ANO3: variants seen among roughly 807,000 people sequenced by gnomAD.
The protein encoded by ANO3 is anoctamin-3.
In ANO3, 99 loss-of-function variants were observed where a neutral mutation model predicts 144.8. That is an observed-to-expected ratio of 0.68 (90% CI 0.58 to 0.81). The LOEUF is 0.81. Among genes scored for constraint, ANO3 ranks in the 30% least tolerant of loss-of-function variants. The pLI is 0.00. For missense variants in ANO3, 905 were observed against 1,202.2 expected (o/e 0.75, Z 3.66); for synonymous variants, 414 against 392.6 (o/e 1.05, Z -0.64).
intron 1 of ANO3, among the ~76,000 whole-genome samples, chr11:26,197,037 C>T (rs760727257): frequency 6.6e-6 from 1 of 152,186 alleles, no homozygotes; most frequent in Non-Finnish European, 1.5e-5. Context: ...CACACACATG[C>T]ATAACAGTGT....
At chr11:26,502,006 C>T (rs11029588) in intron 4 of ANO3, among the ~76,000 whole-genome samples, 91,037 of 151,950 alleles carry the variant, frequency 0.6, 27,948 homozygotes, top group East Asian at 0.68. Flanking sequence ...TTTTACTGCA[C>T]TTTGTGTTTT....
At chr11:26,464,795 A>C (rs2134060551) in intron 4 of ANO3, among the ~76,000 whole-genome samples, 1 of 151,854 alleles carries the variant, frequency 6.6e-6, no homozygotes, top group Middle Eastern at 3.4e-3. Flanking sequence ...TTCCACTCAA[A>C]CTGTAGAACA....
intron 1 of ANO3, among the ~76,000 whole-genome samples, chr11:26,322,538 T>G (rs1406767054): frequency 6.6e-6 from 1 of 152,144 alleles, no homozygotes; most frequent in Non-Finnish European, 1.5e-5. Flanking sequence ...TTGATGACAT[T>G]GACAGTTTTA....
chr11:26,362,285 G>T (rs1590292807), intron 1 of ANO3, among the ~76,000 whole-genome samples: 1 of 152,084 alleles, frequency 6.6e-6, no homozygotes, highest in South Asian at 2.1e-4. Flanking sequence ...TATTTTGCTT[G>T]GAGTTTTTGT....
At chr11:26,534,658 A>G (rs764428007) in intron 9 of ANO3, 96 bp downstream of exon 9, 10 of 763,886 alleles carry the variant, frequency 1.3e-5, no homozygotes, top group Non-Finnish European at 2.0e-5. Flanking sequence ...GCTTTAATTC[A>G]TTAAATAGAT....
intron 1 of ANO3, among the ~76,000 whole-genome samples, chr11:26,366,830 T>G (rs1212322657): frequency 1.2e-5 from 1 of 83,328 alleles, no homozygotes; most frequent in Admixed American, 9.6e-5. Context: ...GGGTTGTTTG[T>G]TTTTTTCTTG....
intron 1 of ANO3, among the ~76,000 whole-genome samples, chr11:26,198,122 A>G (rs1244042626): frequency 1.3e-5 from 2 of 152,178 alleles, no homozygotes; most frequent in African/African-American, 4.8e-5. Context: ...TAAGAGGCAC[A>G]TGTTAGGGAG....
At chr11:26,238,902 G>T (rs1852592746) in intron 1 of ANO3, among the ~76,000 whole-genome samples, 1 of 151,628 alleles carries the variant, frequency 6.6e-6, no homozygotes, top group Non-Finnish European at 1.5e-5. Flanking sequence ...TCAAAATTTG[G>T]AAAATGTAAA....
intron 1 of ANO3, among the ~76,000 whole-genome samples, chr11:26,279,692 A>C (rs1853637329): frequency 6.6e-6 from 1 of 152,172 alleles, no homozygotes; most frequent in Non-Finnish European, 1.5e-5. Flanking sequence ...GGGGTCTCCC[A>C]GGGAACCAGA....
In ANO3 at chr11:26,350,763, T is replaced by C. The variant is rs75094333; in HGVS notation, c.46+18442T>C. On this transcript the variant is annotated intron_variant, in intron 1 of 26. Transcript: ENST00000256737. ...ATATGTGAATGAAAAATTTTAACTC[T>C]ACTAAAGTTAGGAATAATTTTTTTC... is the stretch of plus-strand genomic sequence containing the variant. Among the ~76,000 whole-genome samples the C allele has an allele frequency of 5.0e-3, 759 of 152,286 alleles. 35 individuals are homozygous for C. In the East Asian group the frequency reaches 0.099, roughly 20 times the overall value.
In ANO3 at chr11:26,423,455, A is replaced by G. The variant is rs936219726; in HGVS notation, c.47-18463A>G. Among the ~76,000 whole-genome samples the G allele has an allele frequency of 9.2e-5, 14 of 151,790 alleles. 1 individual carries two copies. ...ATTGAATAAGTGATTGAATATCTGAATGAATAAACATTAGTCTTGAAAAAA... is the reference window on the plus strand; with the variant it reads ...ATTGAATAAGTGATTGAATATCTGAGTGAATAAACATTAGTCTTGAAAAAA... On this transcript the variant is annotated intron_variant, in intron 1 of 26. Coordinates refer to ENST00000256737, the MANE Select transcript of ANO3 (RefSeq NM_031418.4).
intron 1 of ANO3, among the ~76,000 whole-genome samples, chr11:26,220,869 G>A (rs909309447): frequency 6.6e-6 from 1 of 152,174 alleles, no homozygotes; most frequent in Non-Finnish European, 1.5e-5. Flanking sequence ...ATATCCATCA[G>A]CTTTCAAAGG....
intron 1 of ANO3, among the ~76,000 whole-genome samples, chr11:26,412,547 G>A (rs1857460581): frequency 6.6e-6 from 1 of 151,936 alleles, no homozygotes; most frequent in South Asian, 2.1e-4. Flanking sequence ...GAGCATGGCT[G>A]GCACCTGGTA....
intron 1 of ANO3, among the ~76,000 whole-genome samples, chr11:26,198,268 T>A (rs1253111020): frequency 2.0e-5 from 3 of 152,204 alleles, no homozygotes; most frequent in Non-Finnish European, 4.4e-5. Flanking sequence ...TAAATTCATA[T>A]CCTGGATATT....
intron 23 of ANO3, among the ~76,000 whole-genome samples, chr11:26,645,196 T>C (rs938624937): frequency 6.7e-6 from 1 of 148,524 alleles, no homozygotes; most frequent in African/African-American, 2.5e-5. Flanking sequence ...TTATCTGGAA[T>C]ATGTTGTTGA....
chr11:26,514,855 T>C (rs566864756), intron 5 of ANO3, among the ~76,000 whole-genome samples: 1 of 152,218 alleles, frequency 6.6e-6, no homozygotes, highest in South Asian at 2.1e-4. Flanking sequence ...TTTTCTCATC[T>C]TTATCATTCC....
chr11:26,445,763 C>A (rs1403641447), intron 3 of ANO3, among the ~76,000 whole-genome samples: 1 of 152,002 alleles, frequency 6.6e-6, no homozygotes, highest in Non-Finnish European at 1.5e-5. Flanking sequence ...GGATGTAACA[C>A]CTGGCTGGGA....
intron 3 of ANO3, among the ~76,000 whole-genome samples, chr11:26,462,822 A>G (rs1859462341): frequency 6.6e-6 from 1 of 151,876 alleles, no homozygotes; most frequent in African/African-American, 2.4e-5. Context: ...GCATTAGTAA[A>G]TAATAGGCAG....
chr11:26,531,313 C>T lies in ANO3; in HGVS notation c.846C>T (p.Pro282=). The change falls in exon 8 of 27, where the codon CCC becomes CCT. Residue 282 remains proline (P), a synonymous_variant. Coordinates refer to ENST00000256737, the MANE Select transcript of ANO3 (RefSeq NM_031418.4). The stretch of plus-strand genomic sequence containing the variant: ...AGGAGTCAGACTGCTATACTGGCCC[C>T]TTCAGCCGTGCACGGATTCACCAGT... ...DLEESDCYTG[P]FSRARIHHFI... 1.2e-6 allele frequency: 2 copies of T among 1,612,526 alleles called. No individual in the cohort carries two copies. The highest frequency in any genetic ancestry group is 1.3e-5 in the African/African-American group (1 of 74,888).
Sources: gnomAD v4.1 joint callset for allele counts (sites outside exome capture counted in the v4.1 genomes callset) on GRCh38, gnomAD v4.1.1 for gene constraint, MANE v1.5 for transcripts, NCBI Gene and HGNC (gene_info 2026-07-23, HGNC 2026-07-21) for gene names.